The following PCDHGA9 variants were observed in gnomAD, a reference collection of about 807,000 sequenced individuals.
PCDHGA9 encodes the protein protocadherin gamma subfamily A, 9, also known as protocadherin gamma-A9.
Under a neutral mutation model 62.5 loss-of-function variants are expected in PCDHGA9, and 37 were observed. The observed-to-expected ratio is 0.59, with a 90% CI of 0.46 to 0.78. The LOEUF is 0.78. Among genes scored for constraint, PCDHGA9 ranks in the 30% least tolerant of loss-of-function variants. The pLI is 0.00. For synonymous variants in PCDHGA9, 459 were observed against 484.6 expected (o/e 0.95, Z 0.69); for missense variants, 1,138 against 1,166.2 (o/e 0.98, Z 0.35).
At chr5:141,450,835 T>TATTA (rs1438371595) in intron 1 of PCDHGA9, among the ~76,000 whole-genome samples, 1 of 142,096 alleles carries the variant, frequency 7.0e-6, no homozygotes, top group Admixed American at 6.9e-5. Context: ...TATTATTTTT[T>TATTA]TTTTTTTGAG....
chr5:141,493,052 T>G lies in PCDHGA9; in HGVS notation c.2425-1755T>G, dbSNP rs1362566525. 6.6e-6 allele frequency among the ~76,000 whole-genome samples: 1 copy of G among 152,104 alleles called. No individual in the cohort carries two copies. The highest frequency in any genetic ancestry group is 2.4e-5 in the African/African-American group (1 of 41,416). Reference sequence around the variant, plus strand: ...CTTATGTGTGAGGAAACTACAATAGTAAAAAACACAAGTTTCTCCAACTCC... The same window carrying G: ...CTTATGTGTGAGGAAACTACAATAGGAAAAAACACAAGTTTCTCCAACTCC... On this transcript the variant is annotated intron_variant, in intron 1 of 3. Coordinates refer to ENST00000573521, the MANE Select transcript of PCDHGA9 (RefSeq NM_018921.3). This position sits in a 1 kb window ranked among gnomAD's most constrained non-coding sequence, Gnocchi z 4.3.
intron 1 of PCDHGA9, among the ~76,000 whole-genome samples, chr5:141,488,969 CCAAT>C (rs1303368467): frequency 4.6e-5 from 7 of 152,106 alleles, no homozygotes; most frequent in Non-Finnish European, 7.4e-5. Context: ...GACTTTTTGG[CCAAT>C]CAGACTCAGA....
intron 1 of PCDHGA9, among the ~76,000 whole-genome samples, chr5:141,407,232 A>G (rs2094902362): frequency 6.6e-6 from 1 of 152,242 alleles, no homozygotes; most frequent in African/African-American, 2.4e-5. Flanking sequence ...CAAAAAAAAT[A>G]AAGCATACTT....
At chr5:141,454,789 G>T (rs1368681394) in intron 1 of PCDHGA9, among the ~76,000 whole-genome samples, 1 of 129,576 alleles carries the variant, frequency 7.7e-6, no homozygotes, top group African/African-American at 3.1e-5. Flanking sequence ...AATCCTCCAT[G>T]GTTCTAATTT....
At chr5:141,443,059 A>G (rs148799842) in intron 1 of PCDHGA9, among the ~76,000 whole-genome samples, 145 of 152,348 alleles carry the variant, frequency 9.5e-4, no homozygotes, top group African/African-American at 3.3e-3. Context: ...GTTCCACTGA[A>G]GAGCGTCTTA....
intron 1 of PCDHGA9, chr5:141,408,586 C>G: frequency 6.2e-7 from 1 of 1,613,976 alleles, no homozygotes; most frequent in Non-Finnish European, 8.5e-7. Context: ...ATGTTAATGA[C>G]CACGCCCCTC....
Position 141,485,992 on chromosome 5 carries a change from C to T in PCDHGA9, c.2425-8815C>T. The T allele has an allele frequency of 6.2e-7, 1 of 1,614,156 alleles. No individual in the cohort carries two copies. The highest frequency in any genetic ancestry group is 2.2e-5 in the East Asian group (1 of 44,870). On this transcript the variant is annotated intron_variant, in intron 1 of 3. Coordinates refer to ENST00000573521, the MANE Select transcript of PCDHGA9 (RefSeq NM_018921.3). The surrounding 1 kb of genome is among the most constrained non-coding windows in gnomAD (Gnocchi z 5.7). ...ATGCCTCAGACCCGGACCTGGGTCC[C>T]AGTGGTAACGTCACCTTTTATTTCA...
chr5:141,422,719 CA>C (rs2096667277), intron 1 of PCDHGA9: 1 of 1,604,786 alleles, frequency 6.2e-7, no homozygotes, highest in Admixed American at 1.7e-5. Flanking sequence ...TGACACTGTC[CA>C]GGGGGTGCCT....
At position 141,491,023 on chromosome 5, in the gene PCDHGA9, G is replaced by A. The variant is rs773185039; in HGVS notation, c.2425-3784G>A. 17 of 1,613,990 alleles carry A rather than the reference G, an allele frequency of 1.1e-5. No individual in the cohort carries two copies. Among genetic ancestry groups the A allele is most frequent in the Admixed American group, 5.0e-5 (3 of 60,008 alleles). ...CTCCTTGGTCACCAAGGTGACAGCC[G>A]TGGATGCTGATGCAGGCCACAATGC... On this transcript the variant is annotated intron_variant, in intron 1 of 3. Coordinates refer to ENST00000573521, the MANE Select transcript of PCDHGA9 (RefSeq NM_018921.3). The surrounding 1 kb of genome is among the most constrained non-coding windows in gnomAD (Gnocchi z 6.9).
At chr5:141,458,318 A>T (rs1420197662) in intron 1 of PCDHGA9, among the ~76,000 whole-genome samples, 1 of 152,128 alleles carries the variant, frequency 6.6e-6, no homozygotes, top group Non-Finnish European at 1.5e-5. Context: ...ACACAGACAC[A>T]TGTGGAGTGG....
intron 1 of PCDHGA9, among the ~76,000 whole-genome samples, chr5:141,443,771 A>G (rs1031470429): frequency 9.2e-5 from 14 of 152,238 alleles, no homozygotes; most frequent in African/African-American, 3.1e-4. Context: ...ATACAATATT[A>G]CCAAAAAGAC....
chr5:141,475,705 A>G (rs2099367264), intron 1 of PCDHGA9, among the ~76,000 whole-genome samples: 1 of 152,246 alleles, frequency 6.6e-6, no homozygotes. Flanking sequence ...CAGAACGGCT[A>G]GCCTCACAGC....
Position 141,404,371 on chromosome 5 carries a change from C to T in PCDHGA9, c.1419C>T (p.Ser473=). Residue 473 remains serine, a synonymous_variant, in exon 1 of 4, where the codon TCC becomes TCT. Coordinates refer to ENST00000573521, the MANE Select transcript of PCDHGA9 (RefSeq NM_018921.3). Reference sequence around the variant, plus strand: ...ACGCCAGAGGTACTTCCATCTTCTCCGTGATTGCCTATGACCCTGATAGCA... The same window carrying T: ...ACGCCAGAGGTACTTCCATCTTCTCTGTGATTGCCTATGACCCTGATAGCA... ...ENNARGTSIF[S]VIAYDPDSNE... The T allele has an allele frequency of 1.2e-6, 2 of 1,613,892 alleles. No individual in the cohort carries two copies. Among genetic ancestry groups the T allele is most frequent in the Non-Finnish European group, 1.7e-6 (2 of 1,179,874 alleles).
intron 1 of PCDHGA9, among the ~76,000 whole-genome samples, chr5:141,488,423 T>C (rs1204233986): frequency 2.0e-5 from 3 of 152,354 alleles, no homozygotes; most frequent in Non-Finnish European, 4.4e-5. Context: ...CCATCCATGC[T>C]TGGCCTCTGA....
At position 141,431,574 on chromosome 5, in the gene PCDHGA9, G is replaced by T. The variant is rs1476143491; in HGVS notation, c.2424+26198G>T. The T allele has an allele frequency of 6.2e-7, 1 of 1,614,196 alleles. No homozygotes were observed. Among genetic ancestry groups the T allele is most frequent in the Admixed American group, 1.7e-5 (1 of 60,034 alleles). On this transcript the variant is annotated intron_variant, in intron 1 of 3. Transcript: ENST00000573521. This position sits in a 1 kb window ranked among gnomAD's most constrained non-coding sequence, Gnocchi z 4.8. The stretch of plus-strand genomic sequence containing the variant: ...GTCAACGCTACCGACCCTGACGAAG[G>T]AGTCAATGCGGAAGTGAGGTATTCC...
intron 1 of PCDHGA9, among the ~76,000 whole-genome samples, chr5:141,472,224 A>G (rs570743680): frequency 1.4e-4 from 21 of 152,330 alleles, no homozygotes; most frequent in African/African-American, 4.1e-4. Context: ...TCTCGATCAT[A>G]TAATACATTC....
At chr5:141,452,948 G>A (rs2098752873) in intron 1 of PCDHGA9, among the ~76,000 whole-genome samples, 1 of 152,134 alleles carries the variant, frequency 6.6e-6, no homozygotes, top group African/African-American at 2.4e-5. Context: ...CTTGCAATTG[G>A]TTGTCTTTAA....
At chr5:141,417,621 A>G in intron 1 of PCDHGA9, 1 of 662,852 alleles carries the variant, frequency 1.5e-6, no homozygotes, top group Non-Finnish European at 2.4e-6. Context: ...GTGCAGAGCA[A>G]GCGCTGACGC....
chr5:141,456,140 G>A (rs1032104368), intron 1 of PCDHGA9, among the ~76,000 whole-genome samples: 38 of 152,022 alleles, frequency 2.5e-4, no homozygotes, highest in African/African-American at 8.7e-4. Flanking sequence ...CTCCTGATCC[G>A]CCCGCCTCGG....
Sources: gnomAD v4.1 joint callset for allele counts (sites outside exome capture counted in the v4.1 genomes callset) on GRCh38, gnomAD v4.1.1 for gene constraint, Gnocchi (gnomAD v3.1) non-coding constraint, MANE v1.5 for transcripts, NCBI Gene and HGNC (gene_info 2026-07-23, HGNC 2026-07-21) for gene names.